Variants in SUGCT observed in about 807,000 individuals in gnomAD.
SUGCT encodes succinyl-CoA:glutarate-CoA transferase.
Under a neutral mutation model 55.0 loss-of-function variants are expected in SUGCT, and 41 were observed. The ratio of observed to expected loss-of-function variants is 0.74; its 90% CI spans 0.58 to 0.97. The LOEUF (loss-of-function observed/expected upper bound fraction) is 0.97. Ranked by LOEUF, SUGCT falls within the 50% of genes least tolerant of loss-of-function variation. The pLI is 0.00. For missense variants in SUGCT, 568 were observed against 547.8 expected, an observed-to-expected ratio of 1.04 and a Z score of -0.37; for synonymous variants, 187 against 200.4, an observed-to-expected ratio of 0.93 and a Z score of 0.56.
the SUGCT span, among the ~76,000 whole-genome samples, chr7:40,994,159 A>G: frequency 1.3e-5 from 2 of 152,160 alleles, no homozygotes; most frequent in African/African-American, 2.4e-5. Context: ...GTCCCCAAGG[A>G]TGCAATGCAG....
intron 12 of SUGCT, among the ~76,000 whole-genome samples, chr7:40,574,675 G>A (rs958297300): frequency 2.0e-5 from 3 of 152,116 alleles, no homozygotes; most frequent in Non-Finnish European, 2.9e-5. Flanking sequence ...CAGGCGATCC[G>A]CCTGCCTTGA....
intron 1 of SUGCT, among the ~76,000 whole-genome samples, chr7:40,176,618 C>T (rs1318014417): frequency 6.6e-6 from 1 of 151,702 alleles, no homozygotes; most frequent in African/African-American, 2.4e-5. Context: ...TGCTAAATAA[C>T]CTGATTATAA....
chr7:40,555,253 C>T lies in SUGCT; in HGVS notation c.1089+58867C>T, dbSNP rs143524945. On this transcript the variant is annotated intron_variant, in intron 12 of 13. Transcript: ENST00000335693. ...AATGGATGGGAGGATGGTCAGCTCT[C>T]GATGGTCCAGGATGCACTCTCTGAT... Among the ~76,000 whole-genome samples the T allele has an allele frequency of 3.3e-5, 5 of 150,952 alleles. No individual in the cohort carries two copies. In the East Asian group the frequency reaches 7.8e-4, roughly 24 times the overall value.
At chr7:40,563,657 T>C (rs1485149478) in intron 12 of SUGCT, among the ~76,000 whole-genome samples, 1 of 151,850 alleles carries the variant, frequency 6.6e-6, no homozygotes, top group East Asian at 1.9e-4. Flanking sequence ...AAGGCTGCAA[T>C]GAGCCGTGAT....
chr7:40,895,610 G>A, the SUGCT span, among the ~76,000 whole-genome samples: 1 of 151,722 alleles, frequency 6.6e-6, no homozygotes, highest in African/African-American at 2.4e-5. Context: ...TATCTGAACA[G>A]ACACAGAAAA....
intron 12 of SUGCT, among the ~76,000 whole-genome samples, chr7:40,717,140 A>G (rs975834040): frequency 3.3e-5 from 5 of 152,210 alleles, no homozygotes; most frequent in African/African-American, 1.2e-4. Context: ...TGCTGAGGAA[A>G]TAATCAAGAA....
At chr7:40,207,176 G>A (rs1362862873) in intron 6 of SUGCT, among the ~76,000 whole-genome samples, 1 of 152,078 alleles carries the variant, frequency 6.6e-6, no homozygotes, top group African/African-American at 2.4e-5. Flanking sequence ...CAGCTTGGGT[G>A]ACAGAGCAAA....
At chr7:40,815,017 C>T (rs1257354976) in intron 13 of SUGCT, among the ~76,000 whole-genome samples, 3 of 152,200 alleles carry the variant, frequency 2.0e-5, no homozygotes, top group African/African-American at 7.2e-5. Flanking sequence ...GCAGTTTGAC[C>T]TACAAGCTTG....
chr7:40,434,114 CATTT>C (rs1788048236), intron 9 of SUGCT, among the ~76,000 whole-genome samples: 1 of 152,090 alleles, frequency 6.6e-6, no homozygotes, highest in Non-Finnish European at 1.5e-5. Flanking sequence ...GGAATGTTCC[CATTT>C]ATTCTGCTGT....
At chr7:40,146,514 G>A (rs1788254202) in intron 1 of SUGCT, among the ~76,000 whole-genome samples, 1 of 152,226 alleles carries the variant, frequency 6.6e-6, no homozygotes, top group South Asian at 2.1e-4. Flanking sequence ...TCAGTCGTAA[G>A]ATTTACTAAA....
intron 13 of SUGCT, among the ~76,000 whole-genome samples, chr7:40,843,631 G>C (rs566261926): frequency 6.8e-4 from 104 of 152,282 alleles, no homozygotes; most frequent in African/African-American, 2.3e-3. Context: ...AATGGCTGGA[G>C]CAAAGTTCCC....
intron 9 of SUGCT, among the ~76,000 whole-genome samples, chr7:40,385,482 A>G (rs1393664776): frequency 6.6e-6 from 1 of 152,184 alleles, no homozygotes; most frequent in Non-Finnish European, 1.5e-5. Context: ...CTTCTAAAAA[A>G]GATATAATTG....
the SUGCT span, among the ~76,000 whole-genome samples, chr7:40,871,874 T>C: frequency 2.6e-5 from 4 of 152,194 alleles, no homozygotes; most frequent in South Asian, 2.1e-4. Flanking sequence ...CAAATATTAA[T>C]GAGAAACTTT....
chr7:40,752,417 G>T (rs866520030), intron 13 of SUGCT, among the ~76,000 whole-genome samples: 1 of 152,112 alleles, frequency 6.6e-6, no homozygotes, highest in Non-Finnish European at 1.5e-5. Context: ...GTGCAGTGAC[G>T]CAATCTCAGC....
chr7:40,664,937 G>A (rs547820603), intron 12 of SUGCT, among the ~76,000 whole-genome samples: 5 of 145,624 alleles, frequency 3.4e-5, no homozygotes, highest in African/African-American at 7.6e-5. Context: ...CTGAGATTGC[G>A]CCACTGCACT....
At chr7:40,870,228 C>T in the SUGCT span, among the ~76,000 whole-genome samples, 26 of 152,134 alleles carry the variant, frequency 1.7e-4, no homozygotes, top group African/African-American at 5.8e-4. Flanking sequence ...TGTTACATGG[C>T]TGTGCTCTCT....
chr7:40,613,303 G>A (rs1194865916), intron 12 of SUGCT, among the ~76,000 whole-genome samples: 3 of 152,064 alleles, frequency 2.0e-5, no homozygotes, highest in Admixed American at 6.6e-5. Flanking sequence ...CGCTAAAAGG[G>A]GCACGAAGTG....
chr7:40,541,390 C>T (rs74827995), intron 12 of SUGCT, among the ~76,000 whole-genome samples: 23 of 152,306 alleles, frequency 1.5e-4, no homozygotes, highest in African/African-American at 4.3e-4. Context: ...TTACCTATTC[C>T]TGTGACCCTG....
At chr7:40,516,312 T>A (rs776075465) in intron 12 of SUGCT, among the ~76,000 whole-genome samples, 1 of 152,192 alleles carries the variant, frequency 6.6e-6, no homozygotes, top group Non-Finnish European at 1.5e-5. Context: ...CTTGATTGTA[T>A]TCTTTGACAC....
Sources: allele counts gnomAD v4.1 joint callset (sites outside exome capture counted in the v4.1 genomes callset), GRCh38; gene constraint gnomAD v4.1.1; transcripts MANE v1.5; gene names NCBI Gene and HGNC (gene_info 2026-07-23, HGNC 2026-07-21).